AASS: variants seen among roughly 807,000 people sequenced by gnomAD.
AASS encodes aminoadipate-semialdehyde synthase.
Under a neutral mutation model 105.4 loss-of-function variants are expected in AASS, and 86 were observed. The observed-to-expected ratio is 0.82, with a 90% CI of 0.69 to 0.98. The LOEUF (loss-of-function observed/expected upper bound fraction) is 0.98, where lower values mean the gene tolerates loss of function less well. Ranked by LOEUF, AASS falls within the 50% of genes least tolerant of loss-of-function variation. AASS has a pLI of 0.00. For synonymous variants in AASS, 381 were observed against 394.8 expected (o/e 0.96, Z 0.41); for missense variants, 1,048 against 1,143.2 (o/e 0.92, Z 1.20).
intron 1 of AASS, among the ~76,000 whole-genome samples, chr7:122,143,554 C>A (rs1241942566): frequency 6.6e-6 from 1 of 151,512 alleles, no homozygotes; most frequent in Non-Finnish European, 1.5e-5. Context: ...ACTTGCAAGG[C>A]GCCCAACTTC....
intron 11 of AASS, among the ~76,000 whole-genome samples, chr7:122,104,253 A>G (rs938227907): frequency 2.6e-5 from 4 of 151,884 alleles, no homozygotes; most frequent in African/African-American, 9.7e-5. Context: ...TGAATTGGAT[A>G]AAGAAAATGT....
chr7:122,081,378 A>G, intron 20 of AASS, 122 bp downstream of exon 20: 1 of 836,250 alleles, frequency 1.2e-6, no homozygotes, highest in Non-Finnish European at 2.1e-6. Context: ...GTTAGGATTT[A>G]TCTTCCTGCT....
intron 18 of AASS, among the ~76,000 whole-genome samples, chr7:122,086,583 A>T (rs1440332439): frequency 6.6e-6 from 1 of 151,610 alleles, no homozygotes; most frequent in African/African-American, 2.4e-5. Flanking sequence ...AAAAATGTTT[A>T]AAAAATAAAC....
At chr7:122,124,085 A>G (rs1434325722) in intron 4 of AASS, among the ~76,000 whole-genome samples, 1 of 152,100 alleles carries the variant, frequency 6.6e-6, no homozygotes, top group Non-Finnish European at 1.5e-5. Context: ...CTCTAATTAT[A>G]CTGAACTTAT....
intron 18 of AASS, among the ~76,000 whole-genome samples, chr7:122,090,259 G>A (rs1793830646): frequency 2.0e-5 from 3 of 152,098 alleles, no homozygotes; most frequent in Admixed American, 1.3e-4. Flanking sequence ...TGCTTGTTTA[G>A]TACTATTTTA....
intron 20 of AASS, 58 bp downstream of exon 20, chr7:122,081,442 C>A: frequency 2.2e-6 from 3 of 1,333,708 alleles, no homozygotes; most frequent in East Asian, 4.6e-5. Context: ...TCACCCCCGA[C>A]CATTTCAGAA....
Position 122,099,587 on chromosome 7 carries a change from C to T in AASS, c.1407-721G>A, listed in dbSNP as rs182617810. 5.9e-5 allele frequency among the ~76,000 whole-genome samples: 9 copies of T among 151,946 alleles called. No homozygotes were observed. In the East Asian group the frequency reaches 1.7e-3, roughly 29 times the overall value. ...ACCCATCTTTACAAACCCATTAATG[C>T]TCAGCACATTTTGTCTTAAATATGG... On this transcript the variant is annotated intron_variant, in intron 13 of 23. Transcript: ENST00000417368.
chr7:122,076,787 A>G (rs1420307243), intron 23 of AASS, among the ~76,000 whole-genome samples, 180 bp from the exon 24 acceptor site: 1 of 152,194 alleles, frequency 6.6e-6, no homozygotes, highest in African/African-American at 2.4e-5. Context: ...AACACTTTGT[A>G]AGGAAAAGGA....
chr7:122,118,716 G>A (rs1795308857), intron 4 of AASS, 86 bp from the exon 5 acceptor site: 6 of 1,287,502 alleles, frequency 4.7e-6, no homozygotes, highest in African/African-American at 1.5e-5. Context: ...TCTGCATGGT[G>A]CCCTGCAGAA....
At chr7:122,133,954 A>G (rs757897298) in intron 1 of AASS, 4 of 579,102 alleles carry the variant, frequency 6.9e-6, no homozygotes, top group African/African-American at 3.7e-5. Context: ...TTTAAAAAGT[A>G]TAGAGCAACG....
intron 11 of AASS, among the ~76,000 whole-genome samples, chr7:122,106,262 G>A (rs1020530126): frequency 7.9e-5 from 12 of 151,904 alleles, no homozygotes; most frequent in African/African-American, 2.7e-4. Context: ...GGATGCAAGT[G>A]GTAAAAGAGG....
Position 122,101,824 on chromosome 7 carries a change from C to T in AASS, c.1279-144G>A, listed in dbSNP as rs762629779. 131 of 681,246 alleles carry T rather than the reference C, an allele frequency of 1.9e-4. 1 individual carries two copies. Among genetic ancestry groups the T allele is most frequent in the South Asian group, 3.1e-4 (18 of 57,606 alleles). The allele number at this position is 681,246 out of a possible 1,614,324, so 42.2% of individuals were successfully genotyped here. ...GAGGATCACCGAGTATAAGTGATTG[C>T]TAATAGAAGTCTTCTACAAGCAATC... is the stretch of plus-strand genomic sequence containing the variant. On this transcript the variant is annotated intron_variant, in intron 11 of 23. Transcript: ENST00000417368.
rs758036438 is a variant in AASS, at chr7:122,133,624, C to G, written c.103G>C (p.Ala35Pro). 1 of 1,614,198 alleles carries G rather than the reference C, an allele frequency of 6.2e-7. No individual in the cohort carries two copies. Among genetic ancestry groups the G allele is most frequent in the South Asian group, 1.1e-5 (1 of 91,080 alleles). ...GCTAGCGGGGCCCTTCTCTCCCAGG[C>G]GTTCACATCCTCCCTCCGGACGGCC... is the stretch of plus-strand genomic sequence containing the variant. ...VLAVRREDVN[A>P]WERRAPLAPK... Residue 35 changes from alanine to proline, a missense_variant, in exon 2 of 24, where the codon GCC (alanine) becomes CCC (proline). Physicochemically the swap from Ala to Pro is conservative, Grantham distance 27. Transcript: ENST00000417368.
Position 122,129,460 on chromosome 7 carries a change from T to C in AASS, c.288A>G (p.Pro96=), listed in dbSNP as rs1258463778. 2.5e-6 allele frequency: 4 copies of C among 1,613,670 alleles called. No homozygotes were observed. The highest frequency in any genetic ancestry group is 3.4e-6 in the Non-Finnish European group (4 of 1,179,718). ...ACLILGVKRP[P]EEKLMSRKTY... The stretch of plus-strand genomic sequence containing the variant: ...TCTTCCTGGACATTAATTTTTCCTC[T>C]GGAGGTCTTTTAACTCCTAAAATTA... The change falls in exon 3 of 24, where the codon CCA becomes CCG. Residue 96 remains proline, a synonymous_variant. Transcript: ENST00000417368.
At chr7:122,094,982 C>A (rs1275643568) in intron 15 of AASS, among the ~76,000 whole-genome samples, 1 of 152,062 alleles carries the variant, frequency 6.6e-6, no homozygotes, top group Non-Finnish European at 1.5e-5. Flanking sequence ...CCAAATTATA[C>A]CTGCCTCTTT....
rs768862108 is a variant in AASS, at chr7:122,081,611, A to G, written c.2185-16T>C. The stretch of plus-strand genomic sequence containing the variant: ...TCATATATCCCTGAAACAAGAATTA[A>G]TAAGCAGTATATAAAATTTTTCTCT... On this transcript the variant is annotated splice_polypyrimidine_tract_variant and intron_variant, in intron 19 of 23. Transcript: ENST00000417368. 1 of 1,562,468 alleles carries G rather than the reference A, an allele frequency of 6.4e-7. No homozygotes were observed. The highest frequency in any genetic ancestry group is 8.8e-7 in the Non-Finnish European group (1 of 1,133,406).
At chr7:122,129,218 T>C in intron 3 of AASS, 143 bp downstream of exon 3, 1 of 552,634 alleles carries the variant, frequency 1.8e-6, no homozygotes, top group Non-Finnish European at 2.9e-6. Flanking sequence ...GCTTTTATCA[T>C]TCTTTCCATT....
At chr7:122,142,452 A>G (rs914715576) in intron 1 of AASS, among the ~76,000 whole-genome samples, 4 of 152,182 alleles carry the variant, frequency 2.6e-5, no homozygotes, top group African/African-American at 9.7e-5. Context: ...GAAAAAAAAT[A>G]ATTAGAGCCC....
At chr7:122,142,556 A>G (rs931392304) in intron 1 of AASS, among the ~76,000 whole-genome samples, 4 of 152,104 alleles carry the variant, frequency 2.6e-5, no homozygotes, top group African/African-American at 4.8e-5. Flanking sequence ...ATTTAAGACA[A>G]TTTTTTTACA....
Sources: gnomAD v4.1 joint callset for allele counts (sites outside exome capture counted in the v4.1 genomes callset) on GRCh38, gnomAD v4.1.1 for gene constraint, MANE v1.5 for transcripts, NCBI Gene and HGNC (gene_info 2026-07-23, HGNC 2026-07-21) for gene names.